MINDY2: variants seen among roughly 807,000 people sequenced by gnomAD.
MINDY2 encodes MINDY lysine 48 deubiquitinase 2, also known as ubiquitin carboxyl-terminal hydrolase MINDY-2.
A neutral mutation model predicts 68.2 loss-of-function variants in MINDY2; 52 were observed. The ratio of observed to expected loss-of-function variants is 0.76; its 90% CI spans 0.61 to 0.96. MINDY2 has a LOEUF of 0.96. Among genes scored for constraint, MINDY2 ranks in the 40% least tolerant of loss-of-function variants. MINDY2 has a pLI of 0.00. For synonymous variants in MINDY2, 372 were observed against 303.0 expected (o/e 1.23, Z -2.36); for missense variants, 881 against 773.4 (o/e 1.14, Z -1.65).
chr15:58,794,358 G>GT (rs1902137993), intron 2 of MINDY2, among the ~76,000 whole-genome samples: 10 of 139,112 alleles, frequency 7.2e-5, no homozygotes, highest in Non-Finnish European at 1.2e-4. Flanking sequence ...TTTTTTTTGG[G>GT]GTGTGTGTGT....
chr15:58,812,476 T>C (rs2030355280), intron 4 of MINDY2, among the ~76,000 whole-genome samples: 1 of 151,382 alleles, frequency 6.6e-6, no homozygotes, highest in Non-Finnish European at 1.5e-5. Flanking sequence ...TGATCCCTCA[T>C]ACCTTTTACC....
intron 1 of MINDY2, among the ~76,000 whole-genome samples, chr15:58,772,644 G>A (rs533995684): frequency 2.0e-5 from 3 of 152,264 alleles, no homozygotes; most frequent in Non-Finnish European, 4.4e-5. Flanking sequence ...CATGGACTAA[G>A]TTTTCATGGT....
chr15:58,789,287 G>A (rs546196925), intron 2 of MINDY2, among the ~76,000 whole-genome samples: 3 of 150,900 alleles, frequency 2.0e-5, no homozygotes, highest in South Asian at 2.1e-4. Flanking sequence ...GCAGTGAGCC[G>A]AGATTGCACC....
chr15:58,771,329 G>A lies in MINDY2; in HGVS notation c.-67G>A. ...TGTTGCTGCCAATACAGCTGTCATG[G>A]CGTCCAAGGCGCTGGCTGCGGAGAA... is the stretch of plus-strand genomic sequence containing the variant. On this transcript the variant is annotated 5_prime_UTR_variant, in exon 1 of 9. Coordinates refer to ENST00000559228, the MANE Select transcript of MINDY2 (RefSeq NM_001040450.3). 1.3e-6 allele frequency: 2 copies of A among 1,542,952 alleles called. No homozygotes were observed. Among genetic ancestry groups the A allele is most frequent in the Non-Finnish European group, 1.7e-6 (2 of 1,147,330 alleles).
At chr15:58,850,714 A>G (rs1480399656) in intron 7 of MINDY2, among the ~76,000 whole-genome samples, 1 of 151,728 alleles carries the variant, frequency 6.6e-6, no homozygotes, top group African/African-American at 2.4e-5. Context: ...CTCCCCTAGT[A>G]GCTGGGACCA....
At chr15:58,785,737 C>T (rs1249342071) in intron 1 of MINDY2, among the ~76,000 whole-genome samples, 1 of 152,092 alleles carries the variant, frequency 6.6e-6, no homozygotes, top group African/African-American at 2.4e-5. Flanking sequence ...AGCGTAGTGG[C>T]ACGATCTCTG....
At position 58,832,938 on chromosome 15, in the gene MINDY2, A is replaced by G. The variant is rs919008357; in HGVS notation, c.1368+1022A>G. 3.3e-5 allele frequency among the ~76,000 whole-genome samples: 5 copies of G among 152,242 alleles called. No individual in the cohort carries two copies. The East Asian group carries it at 9.6e-4, about 29-fold the overall frequency. On this transcript the variant is annotated intron_variant, in intron 6 of 8. Transcript: ENST00000559228. ...ATTTGCCTTTATGATACTGTTTGCT[A>G]TTATTAAACTTTAATGACTTTAATG...
intron 5 of MINDY2, among the ~76,000 whole-genome samples, chr15:58,831,145 A>G (rs1428526776): frequency 2.6e-5 from 4 of 151,766 alleles, no homozygotes; most frequent in African/African-American, 9.7e-5. Flanking sequence ...CGAACTTGAT[A>G]CATCTACATG....
At chr15:58,791,825 G>T (rs771283237) in intron 2 of MINDY2, among the ~76,000 whole-genome samples, 1 of 151,906 alleles carries the variant, frequency 6.6e-6, no homozygotes, top group Non-Finnish European at 1.5e-5. Flanking sequence ...AGTTAGATTG[G>T]GTGAGATCAT....
intron 2 of MINDY2, among the ~76,000 whole-genome samples, chr15:58,801,931 C>T (rs1443661739): frequency 3.9e-5 from 6 of 152,016 alleles, no homozygotes. Context: ...TGCCAAACTT[C>T]TTTTTTTTAC....
In MINDY2 at chr15:58,847,550, A is replaced by G. The variant is rs1396320378; in HGVS notation, c.1542+80A>G. On this transcript the variant is annotated intron_variant, in intron 7 of 8. Coordinates refer to ENST00000559228, the MANE Select transcript of MINDY2 (RefSeq NM_001040450.3). ...TGAATTCATGTATCCAAAATTTTTC[A>G]ACTAAAGATTAATTCATCAATATGC... 5 of 1,232,966 alleles carry G rather than the reference A, an allele frequency of 4.1e-6. No homozygotes were observed. In the African/African-American group the frequency reaches 6.0e-5, roughly 15 times the overall value. 76.4% of individuals were successfully genotyped at this position (1,232,966 alleles called of 1,614,324 possible).
chr15:58,840,448 C>T (rs1415095316), intron 6 of MINDY2, among the ~76,000 whole-genome samples: 1 of 151,948 alleles, frequency 6.6e-6, no homozygotes, highest in Non-Finnish European at 1.5e-5. Context: ...GTAATAACAT[C>T]CTCCATGAAC....
intron 4 of MINDY2, among the ~76,000 whole-genome samples, chr15:58,813,486 ACT>A (rs2030446073): frequency 6.6e-6 from 1 of 152,016 alleles, no homozygotes; most frequent in East Asian, 1.9e-4. Flanking sequence ...ATGGAGCAAG[ACT>A]CTATCTCAAA....
chr15:58,791,800 A>G (rs977742861), intron 2 of MINDY2, among the ~76,000 whole-genome samples: 1 of 152,090 alleles, frequency 6.6e-6, no homozygotes, highest in Non-Finnish European at 1.5e-5. Flanking sequence ...TTTACAGACA[A>G]CATATATAAA....
At chr15:58,791,608 C>A (rs899275259) in intron 2 of MINDY2, among the ~76,000 whole-genome samples, 14 of 141,658 alleles carry the variant, frequency 9.9e-5, no homozygotes, top group Non-Finnish European at 1.8e-4. Context: ...CAGGGCAAGA[C>A]CCTGTCTCAA....
At chr15:58,837,450 A>G (rs1239538941) in intron 6 of MINDY2, among the ~76,000 whole-genome samples, 1 of 151,336 alleles carries the variant, frequency 6.6e-6, no homozygotes, top group Middle Eastern at 3.2e-3. Flanking sequence ...GTACGCACCT[A>G]TAGTCCCAGT....
chr15:58,808,501 A>G lies in MINDY2; in HGVS notation c.964-1729A>G, dbSNP rs539323789. Reference sequence around the variant, plus strand: ...ATATTAGCTTGTTTTCTTTACTACTACGCATTTAAGTTTCCTCTGTGTCTT... The same window carrying G: ...ATATTAGCTTGTTTTCTTTACTACTGCGCATTTAAGTTTCCTCTGTGTCTT... On this transcript the variant is annotated intron_variant, in intron 3 of 8. Coordinates refer to ENST00000559228, the MANE Select transcript of MINDY2 (RefSeq NM_001040450.3). 5.9e-5 allele frequency among the ~76,000 whole-genome samples: 9 copies of G among 152,170 alleles called. No individual in the cohort carries two copies. In the South Asian group the frequency reaches 1.0e-3, roughly 18 times the overall value.
At chr15:58,783,056 A>G (rs1463864617) in intron 1 of MINDY2, among the ~76,000 whole-genome samples, 1 of 150,858 alleles carries the variant, frequency 6.6e-6, no homozygotes, top group Non-Finnish European at 1.5e-5. Context: ...AGTAGCTGGG[A>G]TTACAGACAC....
chr15:58,828,427 T>G (rs4775095), intron 5 of MINDY2, among the ~76,000 whole-genome samples: 2 of 151,834 alleles, frequency 1.3e-5, no homozygotes, highest in African/African-American at 4.8e-5. Flanking sequence ...GTTTCCTTCC[T>G]TCCTATTTCT....
Sources: allele counts gnomAD v4.1 joint callset (sites outside exome capture counted in the v4.1 genomes callset), GRCh38; gene constraint gnomAD v4.1.1; transcripts MANE v1.5; gene names NCBI Gene and HGNC (gene_info 2026-07-23, HGNC 2026-07-21).